GALNT14: variants seen among roughly 807,000 people sequenced by gnomAD.
GALNT14 encodes the protein UDP-GalNAc:polypeptide N-acetylgalactosaminyltransferase 14.
In GALNT14, 60 loss-of-function variants were observed where a neutral mutation model predicts 77.5. The observed-to-expected ratio is 0.77, with a 90% CI of 0.63 to 0.96. The LOEUF (loss-of-function observed/expected upper bound fraction) is 0.96, where lower values mean the gene tolerates loss of function less well. GALNT14 is among the 40% of genes least tolerant of loss of function. The probability of loss-of-function intolerance (pLI) is 0.00; values close to 1 mark genes in which losing one functional copy is unlikely to be tolerated. For synonymous variants in GALNT14, 280 were observed against 281.7 expected (o/e 0.99, Z 0.06); for missense variants, 710 against 731.0 (o/e 0.97, Z 0.33).
At chr2:30,911,240 T>A (rs2278078) in intron 14 of GALNT14, among the ~76,000 whole-genome samples, 181 bp from the exon 15 acceptor site, 36,207 of 151,838 alleles carry the variant, frequency 0.24, 4,369 homozygotes, top group Non-Finnish European at 0.25. Context: ...TTTCTTTTTT[T>A]AAATTGGATT....
chr2:30,895,569 G>A, the GALNT14 span, among the ~76,000 whole-genome samples: 1 of 152,252 alleles, frequency 6.6e-6, no homozygotes, highest in Non-Finnish European at 1.5e-5. Flanking sequence ...TTACAGTGAG[G>A]ATTAATCACG....
chr2:31,047,177 T>TG (rs1178168281), intron 1 of GALNT14, among the ~76,000 whole-genome samples: 1 of 152,096 alleles, frequency 6.6e-6, no homozygotes, highest in Non-Finnish European at 1.5e-5. Flanking sequence ...TGACAGCAGG[T>TG]GGTTGAGAAC....
intron 12 of GALNT14, 24 bp from the exon 13 acceptor site, chr2:30,924,287 A>G: frequency 6.2e-6 from 10 of 1,613,314 alleles, no homozygotes; most frequent in Non-Finnish European, 7.6e-6. Context: ...ACAGGGAGAG[A>G]GGAGAGTCCA....
At chr2:31,104,436 T>C (rs1483359328) in intron 1 of GALNT14, among the ~76,000 whole-genome samples, 1 of 152,148 alleles carries the variant, frequency 6.6e-6, no homozygotes, top group Non-Finnish European at 1.5e-5. Context: ...AGGACCCTTC[T>C]CCTATATAGT....
At chr2:31,127,366 A>G (rs1175244249) in intron 1 of GALNT14, among the ~76,000 whole-genome samples, 2 of 152,264 alleles carry the variant, frequency 1.3e-5, no homozygotes, top group Non-Finnish European at 2.9e-5. Flanking sequence ...AAATCTTTCA[A>G]AATAATACCA....
At chr2:31,018,126 G>A (rs1671493154) in intron 1 of GALNT14, among the ~76,000 whole-genome samples, 1 of 152,234 alleles carries the variant, frequency 6.6e-6, no homozygotes, top group Non-Finnish European at 1.5e-5. Context: ...TCCTTGGAGA[G>A]CAAGTAGCAA....
chr2:30,920,914 C>T (rs1223346530), intron 13 of GALNT14, among the ~76,000 whole-genome samples: 1 of 152,138 alleles, frequency 6.6e-6, no homozygotes. Flanking sequence ...CTCCCAGCAC[C>T]CCACATTCAC....
intron 1 of GALNT14, among the ~76,000 whole-genome samples, chr2:31,078,280 T>A (rs964377473): frequency 2.0e-5 from 3 of 152,160 alleles, no homozygotes; most frequent in African/African-American, 4.8e-5. Flanking sequence ...ATGGTAATGA[T>A]CCTACTGGAC....
At position 31,130,783 on chromosome 2, in the gene GALNT14, T is replaced by TGTGTGTGC. The variant is rs1181788023; in HGVS notation, c.129+7174_129+7175insGCACACAC. ...GTGTGTGTGTGTGTGTGTGTGTGTGTGCGCGCGCACCTGTGTGTGTGCCTG... is the reference window on the plus strand; with the variant it reads ...GTGTGTGTGTGTGTGTGTGTGTGTGTGTGTGTGCGCGCGCGCACCTGTGTGTGTGCCTG... On this transcript the variant is annotated intron_variant, in intron 1 of 14. Coordinates refer to ENST00000349752, the MANE Select transcript of GALNT14 (RefSeq NM_024572.4). 3.6e-3 allele frequency among the ~76,000 whole-genome samples: 423 copies of TGTGTGTGC among 118,556 alleles called. 3 individuals are homozygous for TGTGTGTGC. Among genetic ancestry groups the TGTGTGTGC allele is most frequent in the African/African-American group, 0.012 (341 of 27,322 alleles). 77.8% of individuals were successfully genotyped at this position (118,556 alleles called of 152,430 possible).
intron 1 of GALNT14, among the ~76,000 whole-genome samples, chr2:31,081,605 T>G (rs560178814): frequency 6.6e-6 from 1 of 152,330 alleles, no homozygotes; most frequent in East Asian, 1.9e-4. Flanking sequence ...GTTGGGAAAA[T>G]TATACACATT....
intron 1 of GALNT14, among the ~76,000 whole-genome samples, chr2:31,004,153 A>G (rs930937099): frequency 2.6e-5 from 4 of 152,228 alleles, no homozygotes; most frequent in African/African-American, 9.6e-5. Context: ...CTTTGTGTTC[A>G]GAGACCAGAG....
At chr2:31,078,147 G>A (rs1675920743) in intron 1 of GALNT14, among the ~76,000 whole-genome samples, 1 of 152,214 alleles carries the variant, frequency 6.6e-6, no homozygotes, top group Non-Finnish European at 1.5e-5. Context: ...GTTCTGAAAG[G>A]AGCAGGCTGG....
At chr2:30,912,516 G>A (rs541561374) in intron 13 of GALNT14, among the ~76,000 whole-genome samples, 174 bp from the exon 14 acceptor site, 10 of 152,188 alleles carry the variant, frequency 6.6e-5, no homozygotes, top group East Asian at 1.9e-4. Flanking sequence ...CCAGAGACTC[G>A]GAGGTCATAT....
Position 31,125,115 on chromosome 2 carries a change from C to A in GALNT14, c.129+12843G>T, listed in dbSNP as rs1573384264. 2.1e-6 allele frequency: 3 copies of A among 1,433,008 alleles called. No individual in the cohort carries two copies. The East Asian group carries it at 7.4e-5, about 36-fold the overall frequency. 88.8% of individuals were successfully genotyped at this position (1,433,008 alleles called of 1,614,324 possible). On this transcript the variant is annotated intron_variant, in intron 1 of 14. Coordinates refer to ENST00000349752, the MANE Select transcript of GALNT14 (RefSeq NM_024572.4). ...AGGGCCTGCTTGGGCAGAAAAGCAGCTGGCACCTCACACTCCTGGGGACAC... is the reference window on the plus strand; with the variant it reads ...AGGGCCTGCTTGGGCAGAAAAGCAGATGGCACCTCACACTCCTGGGGACAC...
At chr2:30,972,349 C>G (rs975348389) in intron 2 of GALNT14, among the ~76,000 whole-genome samples, 1 of 152,168 alleles carries the variant, frequency 6.6e-6, no homozygotes, top group African/African-American at 2.4e-5. Flanking sequence ...ATCAAACAGG[C>G]CTGGCGTGGC....
chr2:31,077,986 G>T (rs1424348508), intron 1 of GALNT14, among the ~76,000 whole-genome samples: 2 of 152,194 alleles, frequency 1.3e-5, no homozygotes, highest in African/African-American at 4.8e-5. Context: ...GTGAGACCAG[G>T]CCAGGCCAAG....
At chr2:30,896,747 C>A in the GALNT14 span, among the ~76,000 whole-genome samples, 1 of 152,136 alleles carries the variant, frequency 6.6e-6, no homozygotes, top group Non-Finnish European at 1.5e-5. Context: ...CCAGTAGGCT[C>A]AGCAGGATCT....
rs561279163 is a variant in GALNT14, at chr2:30,993,011, C to A, written c.130-4G>T. 5.0e-6 allele frequency: 8 copies of A among 1,613,654 alleles called. No individual in the cohort carries two copies. In the East Asian group the frequency reaches 1.3e-4, roughly 27 times the overall value. ...CGTCCCAGTCAGCGTCCGAAGGCTG[C>A]GTGACACGAATGGGAAGTCTGTGAG... On this transcript the variant is annotated splice_polypyrimidine_tract_variant and splice_region_variant and intron_variant, in intron 1 of 14. Coordinates refer to ENST00000349752, the MANE Select transcript of GALNT14 (RefSeq NM_024572.4).
chr2:30,969,101 C>T (rs1668189452), intron 2 of GALNT14, among the ~76,000 whole-genome samples: 1 of 152,176 alleles, frequency 6.6e-6, no homozygotes, highest in African/African-American at 2.4e-5. Flanking sequence ...GGAGGGCCAG[C>T]ATCTGTCTCT....
Sources: allele counts gnomAD v4.1 joint callset (sites outside exome capture counted in the v4.1 genomes callset), GRCh38; gene constraint gnomAD v4.1.1; transcripts MANE v1.5; gene names NCBI Gene and HGNC (gene_info 2026-07-23, HGNC 2026-07-21).